The following GPR158 variants were observed in gnomAD, a reference collection of about 807,000 sequenced individuals.
GPR158 encodes the protein metabotropic glycine receptor.
Under a neutral mutation model 78.2 loss-of-function variants are expected in GPR158, and 30 were observed. The ratio of observed to expected loss-of-function variants is 0.38; its 90% CI spans 0.29 to 0.52. The LOEUF (loss-of-function observed/expected upper bound fraction) is 0.52, where lower values mean the gene tolerates loss of function less well. Ranked by LOEUF, GPR158 falls within the 20% of genes least tolerant of loss-of-function variation. The pLI is 0.83. For synonymous variants in GPR158, 581 were observed against 591.1 expected (o/e 0.98, Z 0.25); for missense variants, 1,463 against 1,523.5 (o/e 0.96, Z 0.66).
intron 5 of GPR158, among the ~76,000 whole-genome samples, chr10:25,502,695 C>T (rs1835957717): frequency 6.6e-6 from 1 of 152,142 alleles, no homozygotes; most frequent in Non-Finnish European, 1.5e-5. Flanking sequence ...TGTCTGCTGT[C>T]AAACAGACTG....
intron 2 of GPR158, among the ~76,000 whole-genome samples, chr10:25,335,197 G>A (rs1187048212): frequency 6.6e-6 from 1 of 152,032 alleles, no homozygotes; most frequent in Non-Finnish European, 1.5e-5. Flanking sequence ...GAGCAAATGA[G>A]TGCTATCCTT....
intron 2 of GPR158, among the ~76,000 whole-genome samples, chr10:25,300,835 G>T (rs1188122700): frequency 6.6e-6 from 1 of 152,044 alleles, no homozygotes; most frequent in Non-Finnish European, 1.5e-5. Context: ...GAAGGAGGGA[G>T]TGGGAAAGAG....
chr10:25,488,269 T>C (rs549795867), intron 5 of GPR158, among the ~76,000 whole-genome samples: 6 of 152,232 alleles, frequency 3.9e-5, no homozygotes, highest in African/African-American at 1.4e-4. Flanking sequence ...TAACCTCATT[T>C]GTCAGAATTT....
chr10:25,378,175 A>G (rs1834108907), intron 2 of GPR158, among the ~76,000 whole-genome samples: 1 of 152,170 alleles, frequency 6.6e-6, no homozygotes, highest in Non-Finnish European at 1.5e-5. Context: ...ACCAGCATTC[A>G]GATGGGAACA....
intron 2 of GPR158, among the ~76,000 whole-genome samples, chr10:25,255,097 A>G (rs1243642570): frequency 6.6e-6 from 1 of 152,184 alleles, no homozygotes; most frequent in Non-Finnish European, 1.5e-5. Flanking sequence ...AATGATTTAT[A>G]TTGATTCCCT....
chr10:25,451,161 A>T (rs1835211386), intron 4 of GPR158, among the ~76,000 whole-genome samples: 1 of 152,194 alleles, frequency 6.6e-6, no homozygotes, highest in South Asian at 2.1e-4. Context: ...AATCATGCTT[A>T]AATAGTGCTT....
chr10:25,328,465 A>T (rs1376316683), intron 2 of GPR158, among the ~76,000 whole-genome samples: 1 of 152,086 alleles, frequency 6.6e-6, no homozygotes, highest in Non-Finnish European at 1.5e-5. Flanking sequence ...TATGTACTCC[A>T]TTATGTAAAT....
chr10:25,446,416 C>T (rs1189975860), intron 4 of GPR158, among the ~76,000 whole-genome samples: 1 of 152,090 alleles, frequency 6.6e-6, no homozygotes, highest in Non-Finnish European at 1.5e-5. Context: ...CTTCCAAAAG[C>T]AGTGATTGAA....
intron 5 of GPR158, among the ~76,000 whole-genome samples, chr10:25,492,908 A>G (rs935102867): frequency 2.0e-5 from 3 of 148,864 alleles, no homozygotes; most frequent in Admixed American, 6.7e-5. Context: ...ATATTAATAT[A>G]TAATATATTT....
At chr10:25,222,007 G>T (rs113809545) in intron 2 of GPR158, among the ~76,000 whole-genome samples, 1,859 of 152,204 alleles carry the variant, frequency 0.012, 42 homozygotes, top group African/African-American at 0.043. Flanking sequence ...AAAGGTGATT[G>T]TATATAGTGT....
intron 2 of GPR158, among the ~76,000 whole-genome samples, chr10:25,296,780 CAG>C (rs1206124748): frequency 6.6e-6 from 1 of 152,138 alleles, no homozygotes; most frequent in Middle Eastern, 3.2e-3. Context: ...GAAAGTGACA[CAG>C]AGGGGCCAAG....
At chr10:25,403,999 TAAGC>T (rs1834479427) in intron 3 of GPR158, among the ~76,000 whole-genome samples, 1 of 152,084 alleles carries the variant, frequency 6.6e-6, no homozygotes, top group Non-Finnish European at 1.5e-5. Flanking sequence ...TAAACAATCA[TAAGC>T]TTAAGATACC....
rs1382007197 is a variant in GPR158 at position 25,599,148 on chromosome 10, G to C, written c.3522G>C (p.Trp1174Cys). 1.2e-6 allele frequency: 2 copies of C among 1,610,886 alleles called. No homozygotes were observed. The highest frequency in any genetic ancestry group is 3.3e-5 in the Admixed American group (2 of 59,988). ...CATCACGAGCAGAGGTTTGTCCTTG[G>C]GAGTTTGAGACCCCAGCTCAACCAA... ...PLTSRAEVCP[W>C]EFETPAQPNA... is the part of the protein sequence containing the mutation. Residue 1174 changes from tryptophan (W) to cysteine (C), a missense_variant, in exon 11 of 11, where the codon TGG becomes TGC. Trp to Cys is a radical substitution (Grantham distance 215). Transcript: ENST00000376351.
intron 2 of GPR158, among the ~76,000 whole-genome samples, chr10:25,387,608 T>G (rs1464300218): frequency 1.3e-5 from 2 of 151,232 alleles, no homozygotes; most frequent in African/African-American, 2.4e-5. Context: ...CTCCGCCTCC[T>G]GGGTTCAAGT....
chr10:25,570,133 C>T (rs1033560938), intron 6 of GPR158, among the ~76,000 whole-genome samples: 1 of 152,144 alleles, frequency 6.6e-6, no homozygotes, highest in African/African-American at 2.4e-5. Flanking sequence ...CTTTCTGCTA[C>T]AGAAAATAAG....
At chr10:25,385,428 T>C (rs1244949887) in intron 2 of GPR158, among the ~76,000 whole-genome samples, 2 of 152,174 alleles carry the variant, frequency 1.3e-5, no homozygotes, top group African/African-American at 2.4e-5. Context: ...ACTATGAATA[T>C]GGGTATGCAA....
At chr10:25,437,471 C>T (rs1292217951) in intron 4 of GPR158, among the ~76,000 whole-genome samples, 2 of 152,142 alleles carry the variant, frequency 1.3e-5, no homozygotes, top group East Asian at 1.9e-4. Flanking sequence ...AGCATTCTAC[C>T]CTCCTAGACC....
At chr10:25,575,361 C>A (rs937631498) in intron 7 of GPR158, among the ~76,000 whole-genome samples, 2 of 151,956 alleles carry the variant, frequency 1.3e-5, no homozygotes, top group Non-Finnish European at 2.9e-5. Context: ...TGAAATGCAC[C>A]AAACTCACCA....
chr10:25,304,617 A>G (rs980758867), intron 2 of GPR158, among the ~76,000 whole-genome samples: 7 of 152,084 alleles, frequency 4.6e-5, no homozygotes, highest in Non-Finnish European at 8.8e-5. Flanking sequence ...AGAGAGATTT[A>G]TGCTGGTTTT....
Sources: gnomAD v4.1 joint callset for allele counts (sites outside exome capture counted in the v4.1 genomes callset) on GRCh38, gnomAD v4.1.1 for gene constraint, MANE v1.5 for transcripts, NCBI Gene and HGNC (gene_info 2026-07-23, HGNC 2026-07-21) for gene names.